SGCD: variants seen among roughly 807,000 people sequenced by gnomAD.
The protein encoded by SGCD is sarcoglycan delta.
SGCD carries 18 observed loss-of-function variants against 36.6 expected under a neutral mutation model. The ratio of observed to expected loss-of-function variants is 0.49; its 90% CI spans 0.34 to 0.73. The LOEUF (loss-of-function observed/expected upper bound fraction) is 0.73, where lower values mean the gene tolerates loss of function less well. Ranked by LOEUF, SGCD falls within the 30% of genes least tolerant of loss-of-function variation. The pLI is 0.01. For synonymous variants in SGCD, 133 were observed against 130.6 expected (o/e 1.02, Z -0.12); for missense variants, 387 against 346.7 (o/e 1.12, Z -0.92).
At chr5:156,166,837 C>T (rs977489595) in intron 3 of SGCD, among the ~76,000 whole-genome samples, 3 of 152,198 alleles carry the variant, frequency 2.0e-5, no homozygotes, top group Non-Finnish European at 2.9e-5. Context: ...CTAGAAATAG[C>T]AGTGCTTCCT....
intron 3 of SGCD, among the ~76,000 whole-genome samples, chr5:156,257,859 G>A (rs1765755322): frequency 6.6e-6 from 1 of 151,920 alleles, no homozygotes; most frequent in South Asian, 2.1e-4. Context: ...GCGAGAGTCT[G>A]CCTCAAACAA....
chr5:156,507,000 C>T (rs572570581), intron 3 of SGCD, among the ~76,000 whole-genome samples: 4 of 152,258 alleles, frequency 2.6e-5, no homozygotes, highest in South Asian at 4.1e-4. Context: ...CTGATAACCT[C>T]ATGGCAAAAA....
intron 3 of SGCD, among the ~76,000 whole-genome samples, chr5:156,457,762 G>C (rs1219080472): frequency 6.6e-6 from 1 of 152,120 alleles, no homozygotes; most frequent in Non-Finnish European, 1.5e-5. Context: ...CTTCACAGTT[G>C]GTTGGGAGAC....
At chr5:156,572,687 G>A (rs1340476649) in intron 4 of SGCD, among the ~76,000 whole-genome samples, 1 of 152,150 alleles carries the variant, frequency 6.6e-6, no homozygotes, top group African/African-American at 2.4e-5. Context: ...TTCAAAGAGT[G>A]TGAAAGGAGA....
intron 3 of SGCD, among the ~76,000 whole-genome samples, chr5:156,501,742 C>G (rs1756462649): frequency 6.6e-6 from 1 of 152,154 alleles, no homozygotes; most frequent in Non-Finnish European, 1.5e-5. Context: ...GAGTACCGCA[C>G]CCTGTATGGG....
chr5:156,738,657 A>T (rs975767938), intron 7 of SGCD: 7 of 152,238 alleles, frequency 4.6e-5, no homozygotes, highest in African/African-American at 1.7e-4. Flanking sequence ...ATACAACAGG[A>T]TGCCTCTTGT....
At chr5:156,319,737 T>A (rs190218700) in intron 3 of SGCD, among the ~76,000 whole-genome samples, 38 of 152,340 alleles carry the variant, frequency 2.5e-4, no homozygotes, top group Middle Eastern at 3.4e-3. Context: ...TCTGTGTGAT[T>A]TTGACCATAT....
At chr5:156,515,818 GC>G (rs1332181940) in intron 4 of SGCD, among the ~76,000 whole-genome samples, 1 of 152,200 alleles carries the variant, frequency 6.6e-6, no homozygotes, top group Non-Finnish European at 1.5e-5. Flanking sequence ...CTGTGCCCCA[GC>G]CGTTTTCCCC....
At chr5:156,711,317 T>C (rs1010954254) in intron 7 of SGCD, among the ~76,000 whole-genome samples, 75 of 152,230 alleles carry the variant, frequency 4.9e-4, no homozygotes, top group African/African-American at 1.8e-3. Context: ...TAACATTTAG[T>C]AAACATTGTG....
chr5:156,453,554 G>A (rs1042858358), intron 3 of SGCD, among the ~76,000 whole-genome samples: 2 of 152,138 alleles, frequency 1.3e-5, no homozygotes, highest in South Asian at 4.1e-4. Flanking sequence ...ACCAGGGGTG[G>A]TTTTGCTCTC....
intron 3 of SGCD, among the ~76,000 whole-genome samples, chr5:156,167,991 A>G (rs1324325240): frequency 6.6e-6 from 1 of 152,236 alleles, no homozygotes; most frequent in Admixed American, 6.5e-5. Context: ...ACCATGTCTT[A>G]GTTTTGTGGC....
At chr5:156,235,534 T>C (rs1417038340) in intron 3 of SGCD, among the ~76,000 whole-genome samples, 1 of 152,220 alleles carries the variant, frequency 6.6e-6, no homozygotes, top group Non-Finnish European at 1.5e-5. Flanking sequence ...TGAGGACAGA[T>C]GTAGCCTATA....
intron 1 of SGCD, among the ~76,000 whole-genome samples, chr5:156,114,679 C>T (rs1001293829): frequency 2.0e-5 from 3 of 152,076 alleles, no homozygotes; most frequent in Admixed American, 6.6e-5. Flanking sequence ...ATATTTTTAA[C>T]TGAATGATTA....
the SGCD span, among the ~76,000 whole-genome samples, chr5:155,746,122 A>G: frequency 6.6e-6 from 1 of 152,334 alleles, no homozygotes; most frequent in Admixed American, 6.5e-5. Context: ...AAGTTGTAGA[A>G]TATTCAATGG....
In SGCD at chr5:155,996,925, GCAGA is replaced by G. The variant is rs149720494; in HGVS notation, c.-281-120936_-281-120933del. ...GATAGATAGACAGACAGACAGGCAG[GCAGA>G]CAGACAGACAGACAGATAGATAGAT... On this transcript the variant is annotated intron_variant, in intron 1 of 9. Coordinates refer to the SGCD transcript ENST00000517913. 3.6e-3 allele frequency among the ~76,000 whole-genome samples: 507 copies of G among 140,974 alleles called. 2 individuals carry two copies. The highest frequency in any genetic ancestry group is 6.8e-3 in the South Asian group (31 of 4,584). 92.5% of individuals were successfully genotyped at this position (140,974 alleles called of 152,430 possible).
chr5:156,621,687 T>G (rs1762256118), intron 6 of SGCD, among the ~76,000 whole-genome samples: 1 of 152,214 alleles, frequency 6.6e-6, no homozygotes, highest in Non-Finnish European at 1.5e-5. Flanking sequence ...AAGCACTAAA[T>G]GTGGAGTAGC....
chr5:156,553,380 T>C (rs1758874780), intron 4 of SGCD, among the ~76,000 whole-genome samples: 1 of 152,210 alleles, frequency 6.6e-6, no homozygotes, highest in South Asian at 2.1e-4. Flanking sequence ...ACACTTGGAA[T>C]AAGTTTCCCT....
intron 1 of SGCD, among the ~76,000 whole-genome samples, chr5:156,113,031 T>C (rs908713063): frequency 6.6e-6 from 1 of 152,224 alleles, no homozygotes; most frequent in South Asian, 2.1e-4. Context: ...ATTTAATTTA[T>C]GTAAATTCAA....
intron 3 of SGCD, among the ~76,000 whole-genome samples, chr5:156,392,497 G>A (rs1771631482): frequency 6.6e-6 from 1 of 152,162 alleles, no homozygotes; most frequent in South Asian, 2.1e-4. Context: ...GTCTAGGGGT[G>A]AATGTTTACA....
Sources: allele counts gnomAD v4.1 joint callset (sites outside exome capture counted in the v4.1 genomes callset), GRCh38; gene constraint gnomAD v4.1.1; transcripts MANE v1.5; gene names NCBI Gene and HGNC (gene_info 2026-07-23, HGNC 2026-07-21).